RFX6: variants seen among roughly 807,000 people sequenced by gnomAD.
RFX6 encodes the protein regulatory factor X6, also known as DNA-binding protein RFX6.
Under a neutral mutation model 110.8 loss-of-function variants are expected in RFX6, and 50 were observed. The ratio of observed to expected loss-of-function variants is 0.45; its 90% CI spans 0.36 to 0.57. The LOEUF is 0.57. RFX6 is among the 20% of genes least tolerant of loss of function. The probability of loss-of-function intolerance (pLI) is 0.00; values close to 1 mark genes in which losing one functional copy is unlikely to be tolerated. For synonymous variants in RFX6, 383 were observed against 411.2 expected (o/e 0.93, Z 0.83); for missense variants, 990 against 1,127.0 (o/e 0.88, Z 1.74).
At chr6:116,890,971 G>A (rs758446542) in intron 4 of RFX6, among the ~76,000 whole-genome samples, 11 of 152,112 alleles carry the variant, frequency 7.2e-5, no homozygotes, top group Admixed American at 3.9e-4. Context: ...CTTAAAAGTC[G>A]TAAGAAAAAA....
At chr6:116,919,802 ATAAGT>A (rs1249635458) in intron 11 of RFX6, among the ~76,000 whole-genome samples, 6 of 152,232 alleles carry the variant, frequency 3.9e-5, no homozygotes, top group African/African-American at 1.4e-4. Context: ...AAAGTAATTC[ATAAGT>A]TAAGAATGAT....
chr6:116,888,162 G>A (rs1774739954), intron 4 of RFX6, among the ~76,000 whole-genome samples: 1 of 152,008 alleles, frequency 6.6e-6, no homozygotes, highest in African/African-American at 2.4e-5. Flanking sequence ...CTAACATCAG[G>A]GCTACTAGCT....
At position 116,892,712 on chromosome 6, in the gene RFX6, C is replaced by T. The variant is rs139462452; in HGVS notation, c.567-1275C>T. On this transcript the variant is annotated intron_variant, in intron 4 of 18. Coordinates refer to ENST00000332958, the MANE Select transcript of RFX6 (RefSeq NM_173560.4). ...CTAAATTCATATTTACCTACTAGAC[C>T]ATTATGGAGGTAACTTGTCAATGTA... Among the ~76,000 whole-genome samples, 522 of 152,250 alleles carry T rather than the reference C, an allele frequency of 3.4e-3. 1 individual carries two copies. The highest frequency in any genetic ancestry group is 5.3e-3 in the Non-Finnish European group (360 of 68,022).
chr6:116,886,685 A>T (rs892421649), intron 4 of RFX6, among the ~76,000 whole-genome samples: 2 of 152,236 alleles, frequency 1.3e-5, no homozygotes, highest in South Asian at 4.1e-4. Flanking sequence ...AAAGTGAAAG[A>T]TGAAAAAGTT....
intron 6 of RFX6, among the ~76,000 whole-genome samples, chr6:116,897,129 A>G (rs1481992583): frequency 6.6e-6 from 1 of 152,182 alleles, no homozygotes; most frequent in African/African-American, 2.4e-5. Flanking sequence ...TATTAAGGAA[A>G]TAACTCAGAA....
chr6:116,904,985 A>G (rs747390853), intron 6 of RFX6, among the ~76,000 whole-genome samples: 1 of 152,218 alleles, frequency 6.6e-6, no homozygotes, highest in Non-Finnish European at 1.5e-5. Flanking sequence ...ATGAATGTGG[A>G]TGTACAAATA....
In RFX6 at chr6:116,922,130, G is replaced by C. The variant is rs1482594292; in HGVS notation, c.1416G>C (p.Val472=). 1.4e-6 allele frequency: 2 copies of C among 1,466,862 alleles called. No homozygotes were observed. The highest frequency in any genetic ancestry group is 1.7e-4 in the Middle Eastern group (1 of 5,792). The allele number at this position is 1,466,862 out of a possible 1,614,324, so 90.9% of individuals were successfully genotyped here. The change falls in exon 13 of 19, where the codon GTG becomes GTC. Residue 472 remains valine, a synonymous_variant. Coordinates refer to ENST00000332958, the MANE Select transcript of RFX6 (RefSeq NM_173560.4). The part of the protein sequence containing the change: ...VEAFIEWLDT[V]VEQRVIKTSK... ...CTTTTATTGAATGGTTGGATACTGT[G>C]GTAGAACAGAGAGTTATTAAGGTAC...
chr6:116,923,732 C>T (rs556193573), intron 14 of RFX6, among the ~76,000 whole-genome samples: 2 of 152,316 alleles, frequency 1.3e-5, no homozygotes, highest in East Asian at 3.9e-4. Flanking sequence ...AGAAGACACA[C>T]TGTCATGTTT....
At chr6:116,928,655 G>A in intron 17 of RFX6, 104 bp from the exon 18 acceptor site, 1 of 783,960 alleles carries the variant, frequency 1.3e-6, no homozygotes, top group Non-Finnish European at 2.3e-6. Flanking sequence ...AATACTTACA[G>A]TTTGATATCT....
intron 8 of RFX6, 42 bp from the exon 9 acceptor site, chr6:116,916,159 T>C: frequency 6.4e-7 from 1 of 1,571,844 alleles, no homozygotes; most frequent in East Asian, 2.2e-5. Flanking sequence ...TGAGTTCATG[T>C]TAAAGAAAAA....
chr6:116,931,439 G>C lies in RFX6; in HGVS notation c.2720G>C (p.Arg907Thr). 6 of 1,613,386 alleles carry C rather than the reference G, an allele frequency of 3.7e-6. No homozygotes were observed. Among genetic ancestry groups the C allele is most frequent in the African/African-American group, 2.7e-5 (2 of 75,012 alleles). Residue 907 changes from arginine to threonine, a missense_variant, in exon 19 of 19, where the codon AGA (arginine) becomes ACA (threonine). Coordinates refer to ENST00000332958, the MANE Select transcript of RFX6 (RefSeq NM_173560.4). ...CTGGACTCCCATGGAACAAGCAGTAGAGAAATGGTGTCCTCTTTACCACCT... is the reference window on the plus strand; with the variant it reads ...CTGGACTCCCATGGAACAAGCAGTACAGAAATGGTGTCCTCTTTACCACCT... ...ETLDSHGTSS[R>T]EMVSSLPPIN... is the part of the protein sequence containing the mutation.
chr6:116,928,874 C>T lies in RFX6; in HGVS notation c.2514C>T (p.His838=), dbSNP rs568927241. ...IRSLPPYSDI[H]DPLNILDDSG... ...CACTGCCCCCCTACAGTGACATCCA[C>T]GATCCACTTAACATTTTAGATGACA... is the stretch of plus-strand genomic sequence containing the variant. Residue 838 remains histidine, a synonymous_variant, in exon 18 of 19, where the codon CAC becomes CAT. Coordinates refer to ENST00000332958, the MANE Select transcript of RFX6 (RefSeq NM_173560.4). 1.8e-5 allele frequency: 29 copies of T among 1,613,416 alleles called. No individual in the cohort carries two copies. The highest frequency in any genetic ancestry group is 1.7e-4 in the Middle Eastern group (1 of 6,058).
At chr6:116,911,894 C>T (rs1775359878) in intron 7 of RFX6, among the ~76,000 whole-genome samples, 1 of 151,998 alleles carries the variant, frequency 6.6e-6, no homozygotes, top group African/African-American at 2.4e-5. Flanking sequence ...AAAGATAGCA[C>T]ATTGATTTAA....
intron 12 of RFX6, 119 bp downstream of exon 12, chr6:116,920,573 C>A: frequency 1.2e-6 from 1 of 860,706 alleles, no homozygotes; most frequent in Non-Finnish European, 1.9e-6. Context: ...TAGCAGCATC[C>A]TTGACCTTTA....
At chr6:116,930,431 T>C (rs1021585389) in intron 18 of RFX6, among the ~76,000 whole-genome samples, 2 of 152,144 alleles carry the variant, frequency 1.3e-5, no homozygotes, top group African/African-American at 4.8e-5. Flanking sequence ...GATCAGGCCA[T>C]AGTTCTTGCC....
chr6:116,885,617 C>T (rs1774684154), intron 4 of RFX6, among the ~76,000 whole-genome samples: 1 of 152,090 alleles, frequency 6.6e-6, no homozygotes, highest in South Asian at 2.1e-4. Context: ...GTTTTATCTG[C>T]TAGTAAAAGT....
chr6:116,877,666 C>A (rs1304334008), intron 1 of RFX6, 130 bp from the exon 2 acceptor site: 2 of 1,080,676 alleles, frequency 1.9e-6, no homozygotes, highest in Non-Finnish European at 2.7e-6. Flanking sequence ...TGACATTTTG[C>A]ATAGCCCCCC....
rs760704729 is a variant in RFX6 at position 116,880,657 on chromosome 6, C to T, written c.494C>T (p.Thr165Ile). The T allele has an allele frequency of 3.7e-6, 6 of 1,613,438 alleles. No individual in the cohort carries two copies. The highest frequency in any genetic ancestry group is 3.3e-4 in the Middle Eastern group (2 of 6,058). The change falls in exon 3 of 19, where the codon ACC becomes ATC. Residue 165 changes from threonine (T) to isoleucine (I), a missense_variant. By Grantham distance (89) the Thr-to-Ile change is moderately conservative (BLOSUM62 -1). Transcript: ENST00000332958. ...KEKLEPACAA[T>I]FGKTIRQKFP... ...AAATTAGAGCCAGCCTGTGCGGCCA[C>T]CTTTGGAAAGGTAAATGACACGTAT...
At chr6:116,904,273 T>G (rs1775146236) in intron 6 of RFX6, among the ~76,000 whole-genome samples, 1 of 152,116 alleles carries the variant, frequency 6.6e-6, no homozygotes, top group Non-Finnish European at 1.5e-5. Flanking sequence ...GATACTAATA[T>G]CCTGTAAGTT....
Sources: gnomAD v4.1 joint callset for allele counts (sites outside exome capture counted in the v4.1 genomes callset) on GRCh38, gnomAD v4.1.1 for gene constraint, MANE v1.5 for transcripts, NCBI Gene and HGNC (gene_info 2026-07-23, HGNC 2026-07-21) for gene names.